NEGR1: variants seen among roughly 807,000 people sequenced by gnomAD.
The protein encoded by NEGR1 is neuronal growth regulator 1.
Under a neutral mutation model 40.9 loss-of-function variants are expected in NEGR1, and 10 were observed. That is an observed-to-expected ratio of 0.24 (90% CI 0.15 to 0.42). NEGR1 has a LOEUF of 0.42. NEGR1 is among the 10% of genes least tolerant of loss of function. The pLI, the probability that NEGR1 is intolerant of heterozygous loss-of-function variation, is 1.00. For missense variants in NEGR1, 352 were observed against 438.9 expected, an observed-to-expected ratio of 0.80 and a Z score of 1.77; for synonymous variants, 185 against 166.8, an observed-to-expected ratio of 1.11 and a Z score of -0.84.
chr1:71,672,957 C>T (rs1034027807), intron 4 of NEGR1, among the ~76,000 whole-genome samples: 2 of 152,054 alleles, frequency 1.3e-5, no homozygotes, highest in Non-Finnish European at 2.9e-5. Flanking sequence ...TATCCATGGC[C>T]GGGTGCGGTG....
At chr1:71,503,991 T>A (rs1487684685) in intron 6 of NEGR1, among the ~76,000 whole-genome samples, 1 of 149,236 alleles carries the variant, frequency 6.7e-6, no homozygotes, top group Non-Finnish European at 1.5e-5. Context: ...GAACTAATAA[T>A]TAAAGGGAAC....
intron 6 of NEGR1, among the ~76,000 whole-genome samples, chr1:71,426,918 G>GA (rs5775060): frequency 0.021 from 3,122 of 152,250 alleles, 91 homozygotes; most frequent in African/African-American, 0.06. Flanking sequence ...CACCTGCTTT[G>GA]AAAATCCCAT....
chr1:72,219,712 C>A (rs1653948059), intron 1 of NEGR1, among the ~76,000 whole-genome samples: 2 of 151,980 alleles, frequency 1.3e-5, no homozygotes, highest in African/African-American at 4.8e-5. Context: ...CATATAGCCA[C>A]AATATTATCA....
chr1:71,656,411 TG>T (rs770038174), intron 4 of NEGR1, among the ~76,000 whole-genome samples: 95 of 151,690 alleles, frequency 6.3e-4, no homozygotes, highest in Non-Finnish European at 7.8e-4. Flanking sequence ...TTTTGTTTTT[TG>T]TTGTTGTTGT....
At chr1:72,244,846 A>T (rs1367972479) in intron 1 of NEGR1, among the ~76,000 whole-genome samples, 1 of 151,986 alleles carries the variant, frequency 6.6e-6, no homozygotes, top group Non-Finnish European at 1.5e-5. Flanking sequence ...CTCAGGCCTA[A>T]AGCTTATCTA....
intron 2 of NEGR1, among the ~76,000 whole-genome samples, chr1:71,817,298 T>C (rs944858515): frequency 1.4e-4 from 21 of 152,228 alleles, no homozygotes; most frequent in African/African-American, 5.1e-4. Flanking sequence ...ATTCAATGGT[T>C]AAGCAAGATG....
chr1:72,107,536 T>TG (rs1053473024), intron 1 of NEGR1, among the ~76,000 whole-genome samples: 6 of 151,498 alleles, frequency 4.0e-5, no homozygotes, highest in Non-Finnish European at 7.4e-5. Flanking sequence ...TAATTTTAGA[T>TG]TTTTTTTAGG....
intron 2 of NEGR1, among the ~76,000 whole-genome samples, chr1:71,776,504 G>A (rs1656515328): frequency 6.6e-6 from 1 of 152,018 alleles, no homozygotes. Flanking sequence ...ATTTTTGGAT[G>A]TTAAATACCT....
chr1:71,473,854 T>C (rs1289357657), intron 6 of NEGR1, among the ~76,000 whole-genome samples: 2 of 152,098 alleles, frequency 1.3e-5, no homozygotes, highest in African/African-American at 4.8e-5. Context: ...TATTGCTTAA[T>C]ACTATTCTGT....
intron 1 of NEGR1, among the ~76,000 whole-genome samples, chr1:72,168,006 T>TTA (rs5775108): frequency 0.66 from 84,974 of 129,054 alleles, 26,706 homozygotes; most frequent in East Asian, 0.83. Context: ...ATTATTATTA[T>TTA]TTTTTTTTTT....
At chr1:72,208,509 G>C (rs1268054172) in intron 1 of NEGR1, among the ~76,000 whole-genome samples, 1 of 150,880 alleles carries the variant, frequency 6.6e-6, no homozygotes, top group East Asian at 1.9e-4. Flanking sequence ...TTTTTATGTA[G>C]AAGAACTTAA....
At chr1:72,119,979 G>T (rs965828687) in intron 1 of NEGR1, among the ~76,000 whole-genome samples, 1 of 151,900 alleles carries the variant, frequency 6.6e-6, no homozygotes, top group Non-Finnish European at 1.5e-5. Flanking sequence ...ATGTATAAAT[G>T]ATTAATTACG....
At chr1:72,201,002 T>C (rs1483087660) in intron 1 of NEGR1, among the ~76,000 whole-genome samples, 2 of 151,868 alleles carry the variant, frequency 1.3e-5, no homozygotes, top group Admixed American at 1.3e-4. Flanking sequence ...TATATACTAT[T>C]ATAAAATGAT....
At chr1:71,821,788 C>T (rs147364568) in intron 2 of NEGR1, among the ~76,000 whole-genome samples, 190 of 152,088 alleles carry the variant, frequency 1.2e-3, no homozygotes, top group African/African-American at 4.3e-3. Context: ...AGACAGAGCA[C>T]CTGACCATGC....
chr1:71,617,249 C>T (rs1444473415), intron 4 of NEGR1, among the ~76,000 whole-genome samples: 1 of 152,182 alleles, frequency 6.6e-6, no homozygotes, highest in Non-Finnish European at 1.5e-5. Flanking sequence ...TTAGGAGAGG[C>T]TGCTGTTCAA....
chr1:71,855,976 A>T, intron 2 of NEGR1, among the ~76,000 whole-genome samples: 1 of 152,050 alleles, frequency 6.6e-6, no homozygotes, highest in African/African-American at 2.4e-5. Context: ...CCTGCCCTCA[A>T]AAATGCCTTC....
chr1:72,062,092 T>C (rs1569897717), intron 1 of NEGR1, among the ~76,000 whole-genome samples: 1 of 151,900 alleles, frequency 6.6e-6, no homozygotes, highest in South Asian at 2.1e-4. Context: ...TCATTCAAGA[T>C]CCTTTCCAAA....
At chr1:71,851,090 T>C (rs913667140) in intron 2 of NEGR1, among the ~76,000 whole-genome samples, 9 of 152,172 alleles carry the variant, frequency 5.9e-5, no homozygotes, top group Non-Finnish European at 1.2e-4. Context: ...GAAGGATTTT[T>C]CCTAACAGAT....
intron 6 of NEGR1, among the ~76,000 whole-genome samples, chr1:71,550,510 T>C (rs998903827): frequency 1.8e-4 from 27 of 151,526 alleles, no homozygotes; most frequent in African/African-American, 6.0e-4. Flanking sequence ...AATCCAGCCC[T>C]TCATGCAGGG....
Sources: gnomAD v4.1 joint callset for allele counts (sites outside exome capture counted in the v4.1 genomes callset) on GRCh38, gnomAD v4.1.1 for gene constraint, MANE v1.5 for transcripts, NCBI Gene and HGNC (gene_info 2026-07-23, HGNC 2026-07-21) for gene names.